The following API5 variants were observed in gnomAD, a reference collection of about 807,000 sequenced individuals.
API5 encodes FIF.
API5 carries 6 observed loss-of-function variants against 71.9 expected under a neutral mutation model. The observed-to-expected ratio is 0.08, with a 90% CI of 0.05 to 0.16. The LOEUF is 0.16. API5 is among the 10% of genes least tolerant of loss of function. API5 has a pLI of 1.00. For missense variants in API5, 332 were observed against 612.8 expected (o/e 0.54, Z 4.84); for synonymous variants, 189 against 221.3 (o/e 0.85, Z 1.30).
In API5 at chr11:43,318,817, A is replaced by G. The variant is rs776783080; in HGVS notation, c.231+16A>G. 10 of 1,604,706 alleles carry G rather than the reference A, an allele frequency of 6.2e-6. No homozygotes were observed. The Admixed American group carries it at 1.3e-4, about 21-fold the overall frequency. ...AGATGTATCTGTAAGTTTATGAATG[A>G]CACTTCATAGCAATCTTTCAGATGT... On this transcript the variant is annotated intron_variant, in intron 2 of 13. Coordinates refer to ENST00000531273, the MANE Select transcript of API5 (RefSeq NM_001142930.2).
chr11:43,330,194 A>G, intron 10 of API5, 136 bp downstream of exon 10: 1 of 712,934 alleles, frequency 1.4e-6, no homozygotes, highest in Non-Finnish European at 2.3e-6. Context: ...AATATTTTAG[A>G]TTTTTATTAT....
At chr11:43,317,957 T>A (rs1854729477) in intron 1 of API5, among the ~76,000 whole-genome samples, 1 of 151,970 alleles carries the variant, frequency 6.6e-6, no homozygotes, top group Non-Finnish European at 1.5e-5. Context: ...ATTACAGGCA[T>A]GAGCCACCAC....
At chr11:43,341,091 A>G (rs1397659501) in intron 13 of API5, among the ~76,000 whole-genome samples, 1 of 152,218 alleles carries the variant, frequency 6.6e-6, no homozygotes, top group African/African-American at 2.4e-5. Flanking sequence ...AAACAAATCT[A>G]GATTAAAAAT....
intron 13 of API5, among the ~76,000 whole-genome samples, chr11:43,337,401 T>G (rs116072927): frequency 0.034 from 5,138 of 152,306 alleles, 109 homozygotes; most frequent in Middle Eastern, 0.078. Flanking sequence ...AATTGTAACA[T>G]TAAATTACTT....
intron 4 of API5, among the ~76,000 whole-genome samples, chr11:43,321,740 C>T (rs1183177312): frequency 6.6e-6 from 1 of 152,078 alleles, no homozygotes. Context: ...TTCCAAAATA[C>T]CTGGGTTTTA....
At chr11:43,338,295 CTG>C (rs958125492) in intron 13 of API5, among the ~76,000 whole-genome samples, 1 of 152,138 alleles carries the variant, frequency 6.6e-6, no homozygotes, top group Non-Finnish European at 1.5e-5. Context: ...ACCAATGTCT[CTG>C]TTTTTTGCTT....
At chr11:43,326,985 A>G (rs776861176) in intron 7 of API5, among the ~76,000 whole-genome samples, 19 of 152,236 alleles carry the variant, frequency 1.2e-4, no homozygotes, top group Non-Finnish European at 2.8e-4. Context: ...CCAACTTTGT[A>G]TCTCAACTGT....
intron 7 of API5, among the ~76,000 whole-genome samples, chr11:43,327,496 A>G (rs896011620): frequency 6.6e-6 from 1 of 152,172 alleles, no homozygotes; most frequent in Non-Finnish European, 1.5e-5. Flanking sequence ...CGTATGTATT[A>G]TTTTCCATAC....
In API5 at chr11:43,312,119, T is replaced by A. The variant is rs996696526; in HGVS notation, c.-9T>A. ...ATAGCGGAACCGGGCCCTGGGCTTG[T>A]CGCTCACCATGCCGACAGTAGAGGA... is the stretch of plus-strand genomic sequence containing the variant. On this transcript the variant is annotated 5_prime_UTR_variant, in exon 1 of 14. Coordinates refer to ENST00000531273, the MANE Select transcript of API5 (RefSeq NM_001142930.2). 1.9e-6 allele frequency: 3 copies of A among 1,613,522 alleles called. No individual in the cohort carries two copies. Among genetic ancestry groups the A allele is most frequent in the Non-Finnish European group, 2.5e-6 (3 of 1,179,892 alleles).
intron 5 of API5, among the ~76,000 whole-genome samples, chr11:43,322,814 G>C (rs1854940025): frequency 6.6e-6 from 1 of 152,170 alleles, no homozygotes; most frequent in Admixed American, 6.5e-5. Flanking sequence ...GAAAAAAGTA[G>C]ATCTTTAGCT....
At chr11:43,330,630 A>T (rs1855219797) in intron 11 of API5, 66 bp downstream of exon 11, 1 of 1,296,664 alleles carries the variant, frequency 7.7e-7, no homozygotes, top group Non-Finnish European at 1.1e-6. Flanking sequence ...TTTATTTAAA[A>T]GTTTTGCATA....
chr11:43,340,931 T>A (rs1160210754), intron 13 of API5, among the ~76,000 whole-genome samples: 2 of 152,094 alleles, frequency 1.3e-5, no homozygotes, highest in African/African-American at 4.8e-5. Flanking sequence ...AAACATGGGA[T>A]CATATCAAAT....
chr11:43,322,642 C>T (rs976173096), intron 5 of API5, among the ~76,000 whole-genome samples: 1 of 152,180 alleles, frequency 6.6e-6, no homozygotes, highest in Non-Finnish European at 1.5e-5. Context: ...TAACTTTTCA[C>T]TCATCTTAAT....
chr11:43,325,299 G>A (rs1168508861), intron 6 of API5, among the ~76,000 whole-genome samples: 1 of 152,184 alleles, frequency 6.6e-6, no homozygotes, highest in African/African-American at 2.4e-5. Context: ...TTATGGTGAA[G>A]CTTGGTGGAA....
In API5 at chr11:43,344,144, G is replaced by A. The variant is rs1855710031; in HGVS notation, c.*1634G>A. ...AAAATTGCCATTTGAAAACTGACCA[G>A]CTAATCTGGACCTCAGAGATAGATC... On this transcript the variant is annotated 3_prime_UTR_variant, in exon 14 of 14. Transcript: ENST00000531273. 1 of 152,626 alleles carries A rather than the reference G, an allele frequency of 6.6e-6. No homozygotes were observed. The highest frequency in any genetic ancestry group is 1.5e-5 in the Non-Finnish European group (1 of 68,030). The allele number at this position is 152,626 out of a possible 1,614,324, so 9.5% of individuals were successfully genotyped here. A position where few individuals can be genotyped will look rare whatever the true frequency, so the allele number is the denominator to read the frequency against.
intron 5 of API5, among the ~76,000 whole-genome samples, chr11:43,322,845 C>T (rs997455943): frequency 6.6e-6 from 1 of 152,118 alleles, no homozygotes; most frequent in African/African-American, 2.4e-5. Flanking sequence ...GACTATTTTA[C>T]CTATGCCCCA....
chr11:43,337,968 A>T (rs1306741185), intron 13 of API5, among the ~76,000 whole-genome samples: 9 of 152,208 alleles, frequency 5.9e-5, no homozygotes, highest in Non-Finnish European at 1.3e-4. Context: ...TGTTTTTTAA[A>T]AAGACACAAA....
chr11:43,336,443 T>C (rs1218646820), intron 13 of API5, among the ~76,000 whole-genome samples: 6 of 152,140 alleles, frequency 3.9e-5, no homozygotes, highest in Non-Finnish European at 5.9e-5. Context: ...TAAAAAGAAA[T>C]AACAGAAGTG....
intron 1 of API5, among the ~76,000 whole-genome samples, chr11:43,315,114 G>A (rs1050405999): frequency 3.3e-5 from 5 of 152,146 alleles, no homozygotes; most frequent in African/African-American, 1.2e-4. Flanking sequence ...CTTTACCAGA[G>A]AGGTGAGCAC....
Sources: allele counts gnomAD v4.1 joint callset (sites outside exome capture counted in the v4.1 genomes callset), GRCh38; gene constraint gnomAD v4.1.1; transcripts MANE v1.5; gene names NCBI Gene and HGNC (gene_info 2026-07-23, HGNC 2026-07-21).